Variants in RALYL observed in about 807,000 individuals in gnomAD.
The protein encoded by RALYL is RALY RNA binding protein like.
Under a neutral mutation model 35.1 loss-of-function variants are expected in RALYL, and 29 were observed. The ratio of observed to expected loss-of-function variants is 0.83; its 90% CI spans 0.61 to 1.13. RALYL has a LOEUF of 1.13. Ranked by LOEUF, RALYL falls within the 50% of genes most tolerant of loss-of-function variation. The probability of loss-of-function intolerance (pLI) is 0.00; values close to 1 mark genes in which losing one functional copy is unlikely to be tolerated. For missense variants in RALYL, 359 were observed against 360.4 expected (o/e 1.00, Z 0.03); for synonymous variants, 120 against 127.6 (o/e 0.94, Z 0.40).
chr8:84,788,830 CG>C (rs1316212154), intron 3 of RALYL, among the ~76,000 whole-genome samples: 23 of 152,024 alleles, frequency 1.5e-4, no homozygotes, highest in African/African-American at 5.6e-4. Context: ...CAGCTGAAGT[CG>C]TCTAATCTTC....
At chr8:84,570,866 T>C (rs1311007735) in intron 2 of RALYL, among the ~76,000 whole-genome samples, 1 of 151,894 alleles carries the variant, frequency 6.6e-6, no homozygotes, top group Non-Finnish European at 1.5e-5. Flanking sequence ...TAATTCTGTT[T>C]ATGCCATGAA....
intron 2 of RALYL, among the ~76,000 whole-genome samples, chr8:84,690,779 A>G (rs1157508089): frequency 6.6e-6 from 1 of 152,120 alleles, no homozygotes. Flanking sequence ...ATAGCCAAAT[A>G]TTAAATATTT....
chr8:84,499,586 T>C (rs1161848850), intron 1 of RALYL, among the ~76,000 whole-genome samples: 1 of 152,050 alleles, frequency 6.6e-6, no homozygotes, highest in East Asian at 1.9e-4. Flanking sequence ...ATTCAGGAGC[T>C]CCCAGGTAAG....
At chr8:84,538,161 A>G (rs1317433117) in intron 2 of RALYL, among the ~76,000 whole-genome samples, 1 of 152,236 alleles carries the variant, frequency 6.6e-6, no homozygotes, top group Non-Finnish European at 1.5e-5. Context: ...GGCCCCACAT[A>G]TGATAGAAAG....
At chr8:84,461,669 T>C (rs2050785014) in intron 1 of RALYL, among the ~76,000 whole-genome samples, 1 of 151,760 alleles carries the variant, frequency 6.6e-6, no homozygotes, top group Non-Finnish European at 1.5e-5. Context: ...AAAAGAATGT[T>C]ATACTTCTTC....
At chr8:84,519,268 C>A (rs140777836) in intron 1 of RALYL, among the ~76,000 whole-genome samples, 1 of 152,162 alleles carries the variant, frequency 6.6e-6, no homozygotes, top group Non-Finnish European at 1.5e-5. Flanking sequence ...TGTAGATTTG[C>A]GGATCTTATA....
intron 8 of RALYL, among the ~76,000 whole-genome samples, chr8:84,895,514 G>A (rs552723678): frequency 1.3e-5 from 2 of 151,996 alleles, no homozygotes; most frequent in Non-Finnish European, 2.9e-5. Flanking sequence ...TTGTGTGTTT[G>A]TTTGTTTCTT....
intron 2 of RALYL, among the ~76,000 whole-genome samples, chr8:84,619,805 T>G (rs1302884760): frequency 2.0e-5 from 3 of 150,368 alleles, no homozygotes; most frequent in African/African-American, 7.5e-5. Flanking sequence ...ACAAAATCTC[T>G]CAGCATTTGC....
At chr8:84,371,572 C>G (rs199743394) in intron 1 of RALYL, among the ~76,000 whole-genome samples, 68 of 147,468 alleles carry the variant, frequency 4.6e-4, no homozygotes, top group African/African-American at 1.6e-3. Context: ...CACACACACA[C>G]AGAAAGAGAG....
intron 1 of RALYL, among the ~76,000 whole-genome samples, chr8:84,527,500 A>G (rs1326086605): frequency 1.3e-5 from 2 of 152,158 alleles, no homozygotes; most frequent in East Asian, 1.9e-4. Context: ...AAATAACTCT[A>G]TGGTGTTTCT....
intron 1 of RALYL, chr8:84,184,957 C>A (rs748097914): frequency 4.0e-5 from 64 of 1,613,004 alleles, no homozygotes; most frequent in Non-Finnish European, 5.4e-5. Context: ...TTGAGGATGG[C>A]ACCGGCCCTC....
Position 84,853,745 on chromosome 8 carries a change from A to G in RALYL, c.413+3718A>G, listed in dbSNP as rs58164744. Among the ~76,000 whole-genome samples, 826 of 152,294 alleles carry G rather than the reference A, an allele frequency of 5.4e-3. 3 individuals carry two copies. The highest frequency in any genetic ancestry group is 0.019 in the African/African-American group (777 of 41,558). On this transcript the variant is annotated intron_variant, in intron 5 of 8. Coordinates refer to ENST00000521268, the MANE Select transcript of RALYL (RefSeq NM_173848.7). ...ATAGAATACCATGAAATAAAAACAG[A>G]ATGGAGAGGCTGGACAAGATACATA...
intron 2 of RALYL, among the ~76,000 whole-genome samples, chr8:84,655,067 G>A (rs1188577957): frequency 6.6e-6 from 1 of 152,082 alleles, no homozygotes; most frequent in Non-Finnish European, 1.5e-5. Context: ...AACAGTGCAC[G>A]AAGTTTTCCT....
At chr8:84,505,906 T>G (rs555450493) in intron 1 of RALYL, among the ~76,000 whole-genome samples, 20 of 152,246 alleles carry the variant, frequency 1.3e-4, no homozygotes, top group Admixed American at 1.0e-3. Context: ...TTTTGATTTA[T>G]TTTGTCATTT....
chr8:84,852,908 C>T (rs942563251), intron 5 of RALYL, among the ~76,000 whole-genome samples: 1 of 152,150 alleles, frequency 6.6e-6, no homozygotes, highest in African/African-American at 2.4e-5. Flanking sequence ...AGGACAACAA[C>T]AACAACAACA....
At chr8:84,292,058 A>G (rs1342434572) in intron 1 of RALYL, among the ~76,000 whole-genome samples, 3 of 151,904 alleles carry the variant, frequency 2.0e-5, no homozygotes, top group Non-Finnish European at 4.4e-5. Context: ...TTTTGGTATA[A>G]AAAGTCAGGC....
At chr8:84,599,350 A>G (rs1815361912) in intron 2 of RALYL, among the ~76,000 whole-genome samples, 1 of 152,024 alleles carries the variant, frequency 6.6e-6, no homozygotes, top group East Asian at 1.9e-4. Flanking sequence ...ATGTCATAGC[A>G]TCACTTTGTA....
Position 84,731,789 on chromosome 8 carries a change from C to G in RALYL, c.257-42790C>G, listed in dbSNP as rs189162175. Among the ~76,000 whole-genome samples the G allele has an allele frequency of 3.9e-5, 6 of 152,200 alleles. No individual in the cohort carries two copies. In the East Asian group the frequency reaches 9.6e-4, roughly 24 times the overall value. The stretch of plus-strand genomic sequence containing the variant: ...GTAAAAAAACTATCGCTTTCTATTG[C>G]CCTTTAAAAAAACCAAAGTCCTTCA... On this transcript the variant is annotated intron_variant, in intron 2 of 8. Coordinates refer to ENST00000521268, the MANE Select transcript of RALYL (RefSeq NM_173848.7).
intron 2 of RALYL, among the ~76,000 whole-genome samples, chr8:84,629,092 G>A (rs1823378257): frequency 6.6e-6 from 1 of 151,938 alleles, no homozygotes; most frequent in Admixed American, 6.6e-5. Context: ...GAAAATCTAG[G>A]CTGTTATTGA....
Sources: allele counts gnomAD v4.1 joint callset (sites outside exome capture counted in the v4.1 genomes callset), GRCh38; gene constraint gnomAD v4.1.1; transcripts MANE v1.5; gene names NCBI Gene and HGNC (gene_info 2026-07-23, HGNC 2026-07-21).